RGL1: variants seen among roughly 807,000 people sequenced by gnomAD.
The protein encoded by RGL1 is ral guanine nucleotide dissociation stimulator-like 1.
Under a neutral mutation model 95.2 loss-of-function variants are expected in RGL1, and 24 were observed. That is an observed-to-expected ratio of 0.25 (90% CI 0.18 to 0.35). The LOEUF (loss-of-function observed/expected upper bound fraction) is 0.35. Among genes scored for constraint, RGL1 ranks in the 10% least tolerant of loss-of-function variants. RGL1 has a pLI of 1.00. For missense variants in RGL1, 715 were observed against 936.3 expected (o/e 0.76, Z 3.08); for synonymous variants, 329 against 344.9 (o/e 0.95, Z 0.51).
Position 183,856,300 on chromosome 1 carries a change from C to CAT in RGL1, c.347+8534_347+8535dup, listed in dbSNP as rs530041279. Among the ~76,000 whole-genome samples the CAT allele has an allele frequency of 2.2e-3, 338 of 151,888 alleles. 2 individuals are homozygous for CAT. The highest frequency in any genetic ancestry group is 2.6e-3 in the Admixed American group (39 of 15,244). On this transcript the variant is annotated intron_variant, in intron 3 of 17. Coordinates refer to ENST00000360851, the MANE Select transcript of RGL1 (RefSeq NM_001297671.3). Reference sequence around the variant, plus strand: ...TTACACACACATACACATACACACACATATATATAACAGAACATATATATA... The same window carrying CAT: ...TTACACACACATACACATACACACACATATATATATAACAGAACATATATATA...
intron 1 of RGL1, among the ~76,000 whole-genome samples, chr1:183,737,064 C>T (rs1316308764): frequency 6.6e-6 from 1 of 151,996 alleles, no homozygotes; most frequent in Non-Finnish European, 1.5e-5. Flanking sequence ...ATGTATCAAA[C>T]AAAGTTCAGC....
At chr1:183,731,759 ATACT>A (rs1656641142) in intron 1 of RGL1, among the ~76,000 whole-genome samples, 1 of 152,204 alleles carries the variant, frequency 6.6e-6, no homozygotes, top group Non-Finnish European at 1.5e-5. Flanking sequence ...TGGGGAATTA[ATACT>A]TACCTCAAAG....
intron 2 of RGL1, among the ~76,000 whole-genome samples, chr1:183,794,318 T>A (rs77368510): frequency 0.013 from 1,959 of 152,250 alleles, 38 homozygotes; most frequent in African/African-American, 0.045. Flanking sequence ...AGAGGTTGCT[T>A]AATAGGTGCA....
At chr1:183,656,174 C>G (rs981308456) in intron 1 of RGL1, among the ~76,000 whole-genome samples, 6 of 149,018 alleles carry the variant, frequency 4.0e-5, no homozygotes, top group South Asian at 2.1e-4. Flanking sequence ...GGCTCTCTAA[C>G]TCTTACAAAA....
intron 1 of RGL1, among the ~76,000 whole-genome samples, chr1:183,701,084 T>G (rs1217187862): frequency 6.6e-6 from 1 of 152,210 alleles, no homozygotes; most frequent in African/African-American, 2.4e-5. Flanking sequence ...AGGACATGAA[T>G]TCATTCTTTT....
At position 183,689,033 on chromosome 1, in the gene RGL1, G is replaced by A. The variant is rs184814858; in HGVS notation, c.-33+52532G>A. ...CTTGATGTTATTTTATCCCTTAAAG[G>A]CAGACAGATCATTAAAATTAAAATT... is the stretch of plus-strand genomic sequence containing the variant. On this transcript the variant is annotated intron_variant, in intron 1 of 18. Transcript: ENST00000304685. Among the ~76,000 whole-genome samples the A allele has an allele frequency of 3.3e-5, 5 of 152,110 alleles. No homozygotes were observed. The East Asian group carries it at 5.8e-4, about 18-fold the overall frequency.
At position 183,674,847 on chromosome 1, in the gene RGL1, C is replaced by T. The variant is rs925619666; in HGVS notation, c.-33+38346C>T. ...CATCCTTTAGGATTTGTGTTAATGCCCCCCTTTCAATCATTCTGTCTTTAT... is the reference window on the plus strand; with the variant it reads ...CATCCTTTAGGATTTGTGTTAATGCTCCCCTTTCAATCATTCTGTCTTTAT... On this transcript the variant is annotated intron_variant, in intron 1 of 18. Transcript: ENST00000304685. Among the ~76,000 whole-genome samples, 76 of 152,090 alleles carry T rather than the reference C, an allele frequency of 5.0e-4. 1 individual carries two copies. The highest frequency in any genetic ancestry group is 1.4e-3 in the Admixed American group (21 of 15,266).
At chr1:183,924,423 A>G (rs1669493269) in intron 17 of RGL1, among the ~76,000 whole-genome samples, 1 of 152,140 alleles carries the variant, frequency 6.6e-6, no homozygotes, top group African/African-American at 2.4e-5. Flanking sequence ...CAATGAGAAC[A>G]TGAGAACACA....
chr1:183,703,246 G>T (rs1202122273), intron 1 of RGL1, among the ~76,000 whole-genome samples: 2 of 152,208 alleles, frequency 1.3e-5, no homozygotes, highest in East Asian at 1.9e-4. Context: ...CGTGACATAG[G>T]GGGTGGTGTG....
At chr1:183,907,340 ACT>A (rs1477150250) in intron 14 of RGL1, among the ~76,000 whole-genome samples, 1 of 152,126 alleles carries the variant, frequency 6.6e-6, no homozygotes, top group African/African-American at 2.4e-5. Context: ...TAACATCTTC[ACT>A]GTCTTCTGGC....
intron 1 of RGL1, among the ~76,000 whole-genome samples, chr1:183,675,207 G>T (rs535442634): frequency 6.6e-6 from 1 of 152,114 alleles, no homozygotes; most frequent in Non-Finnish European, 1.5e-5. Context: ...TTACATTTTG[G>T]TTGGGATGGG....
intron 2 of RGL1, among the ~76,000 whole-genome samples, chr1:183,750,422 G>A (rs967400439): frequency 1.3e-5 from 2 of 152,162 alleles, no homozygotes; most frequent in African/African-American, 2.4e-5. Context: ...GGTCATTTAT[G>A]TTCTTCTCTA....
At chr1:183,686,187 T>G (rs974676385) in intron 1 of RGL1, among the ~76,000 whole-genome samples, 1 of 152,210 alleles carries the variant, frequency 6.6e-6, no homozygotes, top group Non-Finnish European at 1.5e-5. Context: ...ATTGCCCTTT[T>G]GTGTCACTTT....
chr1:183,636,394 A>C (rs1483208636), exon 1 of RGL1: 2 of 386,834 alleles, frequency 5.2e-6, no homozygotes, highest in Non-Finnish European at 9.1e-6. Context: ...GATTGGAACT[A>C]CCCTTCTTGG....
Position 183,847,620 on chromosome 1 carries a change from A to C in RGL1, c.193A>C (p.Lys65Gln). ...GHTVSQYETC[K>Q]IRTIKAGTLE... is the part of the protein sequence containing the mutation. ...CACAGTCAGTCAATATGAAACCTGT[A>C]AGATCAGGACCATAAAAGCTGGCAC... Residue 65 changes from lysine to glutamine, a missense_variant, in exon 3 of 18, where the codon AAG becomes CAG. Physicochemically the swap from Lys to Gln is moderately conservative, Grantham distance 53 (BLOSUM62 1). This residue lies in a region of RGL1 where 381 missense variants were observed against 484.8 expected (regional missense o/e 0.79). Transcript: ENST00000360851. 1 of 1,614,112 alleles carries C rather than the reference A, an allele frequency of 6.2e-7. No individual in the cohort carries two copies. The highest frequency in any genetic ancestry group is 8.5e-7 in the Non-Finnish European group (1 of 1,179,934).
chr1:183,750,363 C>G (rs907376494), intron 2 of RGL1, among the ~76,000 whole-genome samples: 1 of 152,116 alleles, frequency 6.6e-6, no homozygotes, highest in Non-Finnish European at 1.5e-5. Context: ...GCTATTGATA[C>G]TTGTGTATGC....
At chr1:183,695,957 A>G (rs1654228900) in intron 1 of RGL1, among the ~76,000 whole-genome samples, 1 of 152,238 alleles carries the variant, frequency 6.6e-6, no homozygotes, top group Non-Finnish European at 1.5e-5. Flanking sequence ...TACTGAAAAT[A>G]TTATTCAATC....
chr1:183,805,133 C>T lies in RGL1; in HGVS notation c.-165C>T. On this transcript the variant is annotated 5_prime_UTR_variant, in exon 1 of 18. Coordinates refer to ENST00000360851, the MANE Select transcript of RGL1 (RefSeq NM_001297671.3). ...CGCGCTCCCTTTGTGGCCCGAGTCG[C>T]GCGCACCGGCGGCGGCGGGGGCAGC... is the stretch of plus-strand genomic sequence containing the variant. 1.1e-6 allele frequency: 1 copy of T among 882,410 alleles called. No homozygotes were observed. Among genetic ancestry groups the T allele is most frequent in the Non-Finnish European group, 1.5e-6 (1 of 654,670 alleles). 54.7% of individuals were successfully genotyped at this position (882,410 alleles called of 1,614,324 possible).
At chr1:183,743,762 G>C (rs1344966390) in intron 2 of RGL1, among the ~76,000 whole-genome samples, 2 of 126,072 alleles carry the variant, frequency 1.6e-5, no homozygotes, top group African/African-American at 5.2e-5. Context: ...TGATTCCTAA[G>C]GATGGAATCA....
Sources: gnomAD v4.1 joint callset for allele counts (sites outside exome capture counted in the v4.1 genomes callset) on GRCh38, gnomAD v4.1.1 for gene constraint, gnomAD v4.1.1 regional missense constraint, MANE v1.5 for transcripts, NCBI Gene and HGNC (gene_info 2026-07-23, HGNC 2026-07-21) for gene names.